Variants in SMARCC1 observed in about 807,000 individuals in gnomAD.
SMARCC1 encodes the protein SWI/SNF complex subunit SMARCC1.
Under a neutral mutation model 147.4 loss-of-function variants are expected in SMARCC1, and 43 were observed. That is an observed-to-expected ratio of 0.29 (90% CI 0.23 to 0.38). The LOEUF (loss-of-function observed/expected upper bound fraction) is 0.38. Among genes scored for constraint, SMARCC1 ranks in the 10% least tolerant of loss-of-function variants. SMARCC1 has a pLI of 1.00. For missense variants in SMARCC1, 1,119 were observed against 1,381.1 expected, an observed-to-expected ratio of 0.81 and a Z score of 3.01; for synonymous variants, 495 against 484.4, an observed-to-expected ratio of 1.02 and a Z score of -0.29.
chr3:47,733,355 G>A (rs1255129665), intron 5 of SMARCC1, among the ~76,000 whole-genome samples: 1 of 150,514 alleles, frequency 6.6e-6, no homozygotes, highest in African/African-American at 2.4e-5. Flanking sequence ...AGGTAGCAGG[G>A]GGAATCTCTT....
chr3:47,761,439 A>G (rs1056392726), intron 2 of SMARCC1, among the ~76,000 whole-genome samples: 1 of 152,104 alleles, frequency 6.6e-6, no homozygotes, highest in African/African-American at 2.4e-5. Flanking sequence ...GATAGATTAT[A>G]TGGTAAATAA....
intron 2 of SMARCC1, among the ~76,000 whole-genome samples, chr3:47,757,205 C>T (rs2034709695): frequency 6.6e-6 from 1 of 151,792 alleles, no homozygotes; most frequent in Non-Finnish European, 1.5e-5. Flanking sequence ...GAGCTATGAT[C>T]AAGGCAATGT....
At chr3:47,626,863 C>G (rs1397796394) in intron 24 of SMARCC1, among the ~76,000 whole-genome samples, 3 of 152,106 alleles carry the variant, frequency 2.0e-5, no homozygotes, top group Non-Finnish European at 4.4e-5. Flanking sequence ...CTGGAAAGAC[C>G]ACAAGGGGAA....
rs554679321 is a variant in SMARCC1 at position 47,663,585 on chromosome 3, G to A, written c.1900-993C>T. The stretch of plus-strand genomic sequence containing the variant: ...ACACAGCAAGACCCTGTCTTAGGTC[G>A]CGATTTTCTCCTGCTGCTGTGGCCC... On this transcript the variant is annotated intron_variant, in intron 19 of 27. Coordinates refer to ENST00000254480, the MANE Select transcript of SMARCC1 (RefSeq NM_003074.4). 2.1e-4 allele frequency: 300 copies of A among 1,413,070 alleles called. No homozygotes were observed. The South Asian group carries it at 3.2e-3, about 15-fold the overall frequency. 87.5% of individuals were successfully genotyped at this position (1,413,070 alleles called of 1,614,324 possible).
intron 24 of SMARCC1, among the ~76,000 whole-genome samples, chr3:47,629,957 G>T (rs2032865142): frequency 6.6e-6 from 1 of 151,674 alleles, no homozygotes; most frequent in African/African-American, 2.4e-5. Context: ...TTCTTGAAAG[G>T]TCTGGCAACA....
At chr3:47,702,241 A>AAAC (rs1553685133) in intron 10 of SMARCC1, among the ~76,000 whole-genome samples, 1 of 151,624 alleles carries the variant, frequency 6.6e-6, no homozygotes, top group Non-Finnish European at 1.5e-5. Flanking sequence ...AAAAAAAAAA[A>AAAC]AAAAACCCCA....
chr3:47,599,619 G>C (rs932219123), intron 26 of SMARCC1, among the ~76,000 whole-genome samples: 1 of 152,178 alleles, frequency 6.6e-6, no homozygotes, highest in African/African-American at 2.4e-5. Flanking sequence ...TCTGATTCTA[G>C]AGATGGTGCT....
chr3:47,686,928 G>A (rs1165512477), intron 13 of SMARCC1, among the ~76,000 whole-genome samples: 3 of 152,112 alleles, frequency 2.0e-5, no homozygotes, highest in South Asian at 4.1e-4. Context: ...CAAGACTACA[G>A]TGAGCTGTGT....
chr3:47,650,052 G>A lies in SMARCC1; in HGVS notation c.2320+11242C>T, dbSNP rs573436567. ...AGCACTTTGGGAGGCCGAGGCAGGC[G>A]GATCACGAGGTCAGGAGATCGAGAT... On this transcript the variant is annotated intron_variant, in intron 21 of 27. Coordinates refer to ENST00000254480, the MANE Select transcript of SMARCC1 (RefSeq NM_003074.4). Among the ~76,000 whole-genome samples the A allele has an allele frequency of 1.6e-3, 248 of 151,474 alleles. 1 individual carries two copies. The highest frequency in any genetic ancestry group is 2.6e-3 in the Admixed American group (39 of 15,230).
intron 12 of SMARCC1, among the ~76,000 whole-genome samples, chr3:47,692,783 G>A (rs1296505351): frequency 1.3e-5 from 2 of 152,186 alleles, no homozygotes; most frequent in East Asian, 3.9e-4. Context: ...AGCACTTTGG[G>A]AGGCCGAGAC....
At chr3:47,615,261 G>C (rs969000238) in intron 25 of SMARCC1, among the ~76,000 whole-genome samples, 1 of 152,250 alleles carries the variant, frequency 6.6e-6, no homozygotes, top group African/African-American at 2.4e-5. Context: ...CCAAGGCAGA[G>C]ATCTTTGTTG....
intron 8 of SMARCC1, among the ~76,000 whole-genome samples, chr3:47,711,124 G>A (rs974740668): frequency 6.6e-6 from 1 of 152,144 alleles, no homozygotes; most frequent in African/African-American, 2.4e-5. Flanking sequence ...ACAGCACAGA[G>A]CCAAAATCAG....
chr3:47,665,135 CAATT>C lies in SMARCC1; in HGVS notation c.1900-2547_1900-2544del, dbSNP rs142303298. Among the ~76,000 whole-genome samples the C allele has an allele frequency of 1.3e-3, 204 of 152,168 alleles. 1 individual carries two copies. Among genetic ancestry groups the C allele is most frequent in the African/African-American group, 4.6e-3 (192 of 41,516 alleles). On this transcript the variant is annotated intron_variant, in intron 19 of 27. Coordinates refer to ENST00000254480, the MANE Select transcript of SMARCC1 (RefSeq NM_003074.4). ...GGTGTGAAACACTGCACCTGGACAT[CAATT>C]AATTCTTAACTCTGGGTTCCAACTG... is the stretch of plus-strand genomic sequence containing the variant.
chr3:47,621,829 A>C (rs1576390138), intron 25 of SMARCC1, among the ~76,000 whole-genome samples: 1 of 152,126 alleles, frequency 6.6e-6, no homozygotes, highest in East Asian at 1.9e-4. Flanking sequence ...AAAAAAAAAA[A>C]AAAAAGAAAG....
At chr3:47,687,746 G>A (rs2033742786) in intron 13 of SMARCC1, among the ~76,000 whole-genome samples, 1 of 152,088 alleles carries the variant, frequency 6.6e-6, no homozygotes, top group South Asian at 2.1e-4. Flanking sequence ...TAGGATTACA[G>A]ACGTAAGCCA....
intron 7 of SMARCC1, 29 bp downstream of exon 7, chr3:47,720,637 T>C (rs1053723387): frequency 2.1e-6 from 3 of 1,409,964 alleles, no homozygotes; most frequent in Non-Finnish European, 2.0e-6. Context: ...GAAATCTTTA[T>C]ACCAGGTCTC....
chr3:47,770,676 A>C (rs1231675760), intron 2 of SMARCC1, among the ~76,000 whole-genome samples: 3 of 152,116 alleles, frequency 2.0e-5, no homozygotes, highest in African/African-American at 7.2e-5. Context: ...TATCTTTATA[A>C]ATTAAAATTA....
chr3:47,653,606 T>C (rs1233141830), intron 21 of SMARCC1, among the ~76,000 whole-genome samples: 1 of 152,236 alleles, frequency 6.6e-6, no homozygotes. Context: ...TACAATTTTG[T>C]TGAGCCAATT....
At chr3:47,775,496 C>T (rs533819271) in intron 1 of SMARCC1, among the ~76,000 whole-genome samples, 10 of 147,690 alleles carry the variant, frequency 6.8e-5, no homozygotes, top group African/African-American at 2.2e-4. Flanking sequence ...AAGGGCCAGG[C>T]GCGGTGGTGG....
Sources: allele counts gnomAD v4.1 joint callset (sites outside exome capture counted in the v4.1 genomes callset), GRCh38; gene constraint gnomAD v4.1.1; transcripts MANE v1.5; gene names NCBI Gene and HGNC (gene_info 2026-07-23, HGNC 2026-07-21).